The following CSMD1 variants were observed in gnomAD, a reference collection of about 807,000 sequenced individuals.
The protein encoded by CSMD1 is CUB and sushi domain-containing protein 1.
CSMD1 carries 213 observed loss-of-function variants against 417.5 expected under a neutral mutation model. The ratio of observed to expected loss-of-function variants is 0.51; its 90% CI spans 0.46 to 0.57. The LOEUF (loss-of-function observed/expected upper bound fraction) is 0.57. Ranked by LOEUF, CSMD1 falls within the 20% of genes least tolerant of loss-of-function variation. CSMD1 has a pLI of 0.00. For synonymous variants in CSMD1, 2,862 were observed against 1,736.8 expected (o/e 1.65, Z -16.11); for missense variants, 6,923 against 4,529.7 (o/e 1.53, Z -15.17).
intron 50 of CSMD1, among the ~76,000 whole-genome samples, chr8:3,044,161 CA>C (rs1443215676): frequency 4.6e-5 from 7 of 152,126 alleles, no homozygotes; most frequent in African/African-American, 1.7e-4. Flanking sequence ...ATCTTTAGCC[CA>C]AATACCATGT....
chr8:4,083,765 C>G (rs189867188), intron 3 of CSMD1, among the ~76,000 whole-genome samples: 1 of 152,270 alleles, frequency 6.6e-6, no homozygotes, highest in East Asian at 1.9e-4. Context: ...CATTACCATT[C>G]AGGACATAGG....
chr8:4,021,028 G>T (rs563955334), intron 4 of CSMD1, among the ~76,000 whole-genome samples: 1 of 152,106 alleles, frequency 6.6e-6, no homozygotes, highest in Non-Finnish European at 1.5e-5. Flanking sequence ...ACCCTACAAC[G>T]TAAGTGAGAA....
intron 3 of CSMD1, among the ~76,000 whole-genome samples, chr8:4,376,880 T>G (rs902164678): frequency 2.0e-5 from 3 of 152,214 alleles, no homozygotes; most frequent in Non-Finnish European, 4.4e-5. Context: ...TACAGGTATT[T>G]GACTTGGATT....
At chr8:3,650,239 T>A (rs1036327825) in intron 7 of CSMD1, among the ~76,000 whole-genome samples, 2 of 151,696 alleles carry the variant, frequency 1.3e-5, no homozygotes, top group Non-Finnish European at 2.9e-5. Context: ...GATTGCTTCA[T>A]TGCACTCCAG....
chr8:3,263,446 ATGGATACAT>A (rs1353299281), intron 26 of CSMD1, among the ~76,000 whole-genome samples: 4 of 152,186 alleles, frequency 2.6e-5, no homozygotes, highest in Admixed American at 1.3e-4. Context: ...CTATGTATAT[ATGGATACAT>A]TGGGTCTTTG....
At chr8:4,845,134 T>C (rs1246880983) in intron 1 of CSMD1, among the ~76,000 whole-genome samples, 4 of 152,218 alleles carry the variant, frequency 2.6e-5, no homozygotes, top group Admixed American at 2.6e-4. Flanking sequence ...TATTAGTATA[T>C]AAAAATTATC....
chr8:3,337,975 C>G (rs1209742784), intron 23 of CSMD1, among the ~76,000 whole-genome samples: 1 of 152,184 alleles, frequency 6.6e-6, no homozygotes, highest in African/African-American at 2.4e-5. Context: ...TTCACCACGT[C>G]TGAACAGTAG....
intron 5 of CSMD1, among the ~76,000 whole-genome samples, chr8:3,805,240 G>C (rs75838321): frequency 2.0e-5 from 3 of 152,134 alleles, no homozygotes; most frequent in East Asian, 3.9e-4. Context: ...AGCATCACAA[G>C]GGAACCAACC....
intron 18 of CSMD1, among the ~76,000 whole-genome samples, chr8:3,371,338 AT>A (rs1157851284): frequency 1.3e-5 from 2 of 152,276 alleles, no homozygotes; most frequent in East Asian, 3.9e-4. Flanking sequence ...CACATGTAAA[AT>A]GGGGCAAAAA....
At chr8:3,680,232 A>G (rs1412134161) in intron 7 of CSMD1, among the ~76,000 whole-genome samples, 3 of 152,148 alleles carry the variant, frequency 2.0e-5, no homozygotes, top group Admixed American at 6.5e-5. Flanking sequence ...CCTTCAAAAA[A>G]TCGATGAATC....
chr8:4,402,498 C>T (rs1032563902), intron 3 of CSMD1, among the ~76,000 whole-genome samples: 1 of 152,118 alleles, frequency 6.6e-6, no homozygotes, highest in Non-Finnish European at 1.5e-5. Flanking sequence ...CACTCCTCTC[C>T]CAAGCATCCA....
At chr8:3,625,326 T>C (rs1328004149) in intron 7 of CSMD1, among the ~76,000 whole-genome samples, 1 of 152,174 alleles carries the variant, frequency 6.6e-6, no homozygotes, top group Admixed American at 6.5e-5. Context: ...TACTAATGGA[T>C]CTCCAATTGG....
intron 5 of CSMD1, among the ~76,000 whole-genome samples, chr8:3,890,005 G>T (rs867125770): frequency 6.6e-6 from 1 of 152,080 alleles, no homozygotes; most frequent in East Asian, 1.9e-4. Context: ...AATATAGGGA[G>T]ATCCCTTCTC....
intron 3 of CSMD1, among the ~76,000 whole-genome samples, chr8:4,368,029 G>A (rs1270732641): frequency 6.6e-6 from 1 of 152,164 alleles, no homozygotes; most frequent in East Asian, 1.9e-4. Flanking sequence ...GATTGCTCTG[G>A]CTAGAACTTC....
At chr8:3,830,334 G>A (rs950922705) in intron 5 of CSMD1, among the ~76,000 whole-genome samples, 2 of 152,178 alleles carry the variant, frequency 1.3e-5, no homozygotes, top group African/African-American at 4.8e-5. Flanking sequence ...CCGAATGATT[G>A]GTCGTTGGTT....
chr8:4,049,456 C>T (rs1415974775), intron 3 of CSMD1, among the ~76,000 whole-genome samples: 1 of 151,642 alleles, frequency 6.6e-6, no homozygotes, highest in Admixed American at 6.6e-5. Context: ...AGATGTCACC[C>T]AGTCCCTGGC....
chr8:4,588,433 G>A (rs1799813812), intron 2 of CSMD1, among the ~76,000 whole-genome samples: 3 of 150,990 alleles, frequency 2.0e-5, no homozygotes, highest in Non-Finnish European at 1.5e-5. Context: ...CCTCTAGATA[G>A]TACAGCCAGT....
chr8:3,259,010 G>T (rs1554488847), intron 26 of CSMD1, among the ~76,000 whole-genome samples: 1 of 152,184 alleles, frequency 6.6e-6, no homozygotes, highest in Non-Finnish European at 1.5e-5. Context: ...TAATAGCTGG[G>T]TGATGAATCT....
chr8:4,070,470 A>C (rs767787635), intron 3 of CSMD1, among the ~76,000 whole-genome samples: 1 of 151,788 alleles, frequency 6.6e-6, no homozygotes, highest in African/African-American at 2.4e-5. Context: ...CCATTCTCCC[A>C]CCTCAGCCTC....
Sources: allele counts gnomAD v4.1 joint callset (sites outside exome capture counted in the v4.1 genomes callset), GRCh38; gene constraint gnomAD v4.1.1; transcripts MANE v1.5; gene names NCBI Gene and HGNC (gene_info 2026-07-23, HGNC 2026-07-21).